Variants in ZNF644 observed in about 807,000 individuals in gnomAD.
ZNF644 encodes the protein zinc finger motif enhancer binding protein 2.
In ZNF644, 20 loss-of-function variants were observed where a neutral mutation model predicts 108.0. The ratio of observed to expected loss-of-function variants is 0.19; its 90% confidence interval spans 0.13 to 0.27. ZNF644 has a LOEUF of 0.27. Ranked by LOEUF, ZNF644 falls within the 10% of genes least tolerant of loss-of-function variation. The pLI is 1.00. For synonymous variants in ZNF644, 542 were observed against 539.1 expected, an observed-to-expected ratio of 1.01 and a Z score of -0.08; for missense variants, 1,338 against 1,548.9, an observed-to-expected ratio of 0.86 and a Z score of 2.29.
At chr1:91,000,622 A>G (rs1209566892) in intron 1 of ZNF644, among the ~76,000 whole-genome samples, 3 of 152,176 alleles carry the variant, frequency 2.0e-5, no homozygotes, top group Non-Finnish European at 4.4e-5. Context: ...CATCACAATT[A>G]ACCAGAAAAG....
intron 4 of ZNF644, 21 bp from the exon 5 acceptor site, chr1:90,918,175 A>G (rs757825005): frequency 6.3e-7 from 1 of 1,583,466 alleles, no homozygotes; most frequent in Admixed American, 1.7e-5. Flanking sequence ...GAAGAGAAAG[A>G]CTTAACATTC....
rs1650695539 is a variant in ZNF644 at position 90,931,223 on chromosome 1, TAAA to T, written c.3688+6259_3688+6261del. Among the ~76,000 whole-genome samples, 4 of 151,842 alleles carry T rather than the reference TAAA, an allele frequency of 2.6e-5. No homozygotes were observed. The South Asian group carries it at 8.3e-4, about 31-fold the overall frequency. ...GCACAAAAAAAGCTAATCAGTAAAA[TAAA>T]AAGTCCAGAAGTAATTAATATAAGC... On this transcript the variant is annotated intron_variant, in intron 4 of 5. Transcript: ENST00000337393.
At chr1:90,949,678 T>A (rs902477731) in intron 2 of ZNF644, among the ~76,000 whole-genome samples, 23 of 152,276 alleles carry the variant, frequency 1.5e-4, no homozygotes, top group African/African-American at 4.8e-4. Context: ...TACACTGTAG[T>A]AGGTATTACA....
At chr1:91,002,746 T>C (rs1658990332) in intron 1 of ZNF644, among the ~76,000 whole-genome samples, 1 of 152,090 alleles carries the variant, frequency 6.6e-6, no homozygotes, top group South Asian at 2.1e-4. Flanking sequence ...ACAGGCAACC[T>C]ACAGAACGGG....
At chr1:90,999,161 G>A (rs1219138452) in intron 1 of ZNF644, among the ~76,000 whole-genome samples, 5 of 152,116 alleles carry the variant, frequency 3.3e-5, no homozygotes, top group Non-Finnish European at 7.4e-5. Flanking sequence ...TAGCAAGGCA[G>A]GCCAACATTC....
At chr1:90,920,348 A>G (rs1342420372) in intron 4 of ZNF644, among the ~76,000 whole-genome samples, 2 of 152,072 alleles carry the variant, frequency 1.3e-5, no homozygotes, top group East Asian at 3.8e-4. Flanking sequence ...ACCCTTAAAA[A>G]TTTGTTCACA....
At position 90,938,618 on chromosome 1, in the gene ZNF644, T is replaced by C; in HGVS notation, c.2736A>G (p.Gln912=). 1.2e-6 allele frequency: 2 copies of C among 1,611,896 alleles called. No individual in the cohort carries two copies. Among genetic ancestry groups the C allele is most frequent in the South Asian group, 1.1e-5 (1 of 90,816 alleles). Residue 912 remains glutamine (Q), a synonymous_variant, in exon 3 of 6, where the codon CAA becomes CAG. Coordinates refer to ENST00000337393, the MANE Select transcript of ZNF644 (RefSeq NM_201269.3). This position sits in a 1 kb window ranked among gnomAD's most constrained non-coding sequence, Gnocchi z 4.2. ...AGTATTCAAAATAAAAGCCATCGTT[T>C]TGGTCATAACTAAGAGTAGCATTTT... ...PGENATLSYD[Q]NDGFYFEYYE...
chr1:90,926,253 T>C (rs144288098), intron 4 of ZNF644, among the ~76,000 whole-genome samples: 170 of 152,336 alleles, frequency 1.1e-3, no homozygotes, highest in African/African-American at 3.9e-3. Flanking sequence ...AATTTTACTA[T>C]GATTAAATGT....
chr1:90,939,484 C>T lies in ZNF644; in HGVS notation c.1870G>A (p.Asp624Asn). ...VDSFGSPLGL[D>N]KRKNDILEEP... ...TCAAGGATGTCATTTTTTCTTTTAT[C>T]AAGTCCAAGAGGACTACCAAATGAA... The change falls in exon 3 of 6, where the codon GAT becomes AAT. Residue 624 changes from aspartate (D) to asparagine (N), a missense_variant. This residue lies in a region of ZNF644 where 462 missense variants were observed against 472.6 expected (regional missense o/e 0.98). Transcript: ENST00000337393. 1.2e-6 allele frequency: 2 copies of T among 1,613,650 alleles called. No individual in the cohort carries two copies. The highest frequency in any genetic ancestry group is 1.7e-6 in the Non-Finnish European group (2 of 1,179,850).
intron 1 of ZNF644, among the ~76,000 whole-genome samples, chr1:90,997,764 G>C (rs1658298564): frequency 6.6e-6 from 1 of 152,210 alleles, no homozygotes; most frequent in South Asian, 2.1e-4. Flanking sequence ...CCCGGGAAGT[G>C]CAAGGGGTCA....
chr1:91,003,245 G>A (rs1234135871), intron 1 of ZNF644, among the ~76,000 whole-genome samples: 2 of 151,974 alleles, frequency 1.3e-5, no homozygotes, highest in South Asian at 2.1e-4. Context: ...TGTTTATTGC[G>A]GCACTATTCA....
intron 1 of ZNF644, among the ~76,000 whole-genome samples, chr1:91,000,519 T>C (rs182104499): frequency 7.3e-5 from 11 of 151,632 alleles, no homozygotes; most frequent in Admixed American, 7.2e-4. Context: ...CACCAGAATC[T>C]CTGCGACACA....
chr1:91,002,165 C>T (rs907639297), intron 1 of ZNF644, among the ~76,000 whole-genome samples: 19 of 152,144 alleles, frequency 1.2e-4, no homozygotes, highest in African/African-American at 3.4e-4. Context: ...CTTCACAGAA[C>T]TGGAAAAAAC....
In ZNF644 at chr1:91,002,237, C is replaced by A. The variant is rs372148732; in HGVS notation, c.-18+19753G>T. Among the ~76,000 whole-genome samples the A allele has an allele frequency of 3.0e-4, 45 of 152,148 alleles. 1 individual carries two copies. Among genetic ancestry groups the A allele is most frequent in the East Asian group, 1.2e-3 (6 of 5,180 alleles). ...CATCGCCAAGTCAATCCTAAGCCAA[C>A]AGAACAAAGCTGGAGGCATCACGCT... On this transcript the variant is annotated intron_variant, in intron 1 of 5. Coordinates refer to ENST00000337393, the MANE Select transcript of ZNF644 (RefSeq NM_201269.3).
At chr1:91,015,271 CTT>C (rs2100674672) in intron 1 of ZNF644, among the ~76,000 whole-genome samples, 1 of 152,220 alleles carries the variant, frequency 6.6e-6, no homozygotes, top group African/African-American at 2.4e-5. Context: ...GAACTGATAA[CTT>C]TAACACCATA....
intron 4 of ZNF644, among the ~76,000 whole-genome samples, chr1:90,933,661 C>T (rs1175117604): frequency 9.6e-6 from 1 of 104,350 alleles, no homozygotes; most frequent in African/African-American, 3.4e-5. Flanking sequence ...GAGACTCCGT[C>T]TCAAAATAAA....
Sources: gnomAD v4.1 joint callset for allele counts (sites outside exome capture counted in the v4.1 genomes callset) on GRCh38, gnomAD v4.1.1 for gene constraint, gnomAD v4.1.1 regional missense constraint, Gnocchi (gnomAD v3.1) non-coding constraint, MANE v1.5 for transcripts, NCBI Gene and HGNC (gene_info 2026-07-23, HGNC 2026-07-21) for gene names.